The following PCDH9 variants were observed in gnomAD, a reference collection of about 807,000 sequenced individuals.
PCDH9 encodes protocadherin-9.
Under a neutral mutation model 70.6 loss-of-function variants are expected in PCDH9, and 24 were observed. The observed-to-expected ratio is 0.34, with a 90% CI of 0.25 to 0.48. PCDH9 has a LOEUF of 0.48. Among genes scored for constraint, PCDH9 ranks in the 20% least tolerant of loss-of-function variants. The probability of loss-of-function intolerance (pLI) is 0.99; values close to 1 mark genes in which losing one functional copy is unlikely to be tolerated. For synonymous variants in PCDH9, 562 were observed against 558.5 expected, an observed-to-expected ratio of 1.01 and a Z score of -0.09; for missense variants, 1,281 against 1,503.6, an observed-to-expected ratio of 0.85 and a Z score of 2.45.
intron 4 of PCDH9, among the ~76,000 whole-genome samples, chr13:66,373,153 C>T (rs909505870): frequency 6.6e-6 from 1 of 151,804 alleles, no homozygotes; most frequent in African/African-American, 2.4e-5. Flanking sequence ...TATTATTTAG[C>T]CACAACAGGG....
At chr13:66,854,621 C>T (rs189402431) in intron 3 of PCDH9, among the ~76,000 whole-genome samples, 12 of 151,082 alleles carry the variant, frequency 7.9e-5, no homozygotes, top group Non-Finnish European at 1.6e-4. Context: ...TATTTAGTGC[C>T]ACTTTTTTTT....
chr13:66,503,503 T>G (rs1395537553), intron 4 of PCDH9, among the ~76,000 whole-genome samples: 12 of 152,224 alleles, frequency 7.9e-5, no homozygotes, highest in Admixed American at 3.3e-4. Flanking sequence ...GTGTTTATTT[T>G]TTCTTCTTTT....
At chr13:66,581,718 A>G in intron 4 of PCDH9, among the ~76,000 whole-genome samples, 1 of 152,148 alleles carries the variant, frequency 6.6e-6, no homozygotes, top group African/African-American at 2.4e-5. Flanking sequence ...CCAAGAAATG[A>G]AGTGTGCCAG....
intron 3 of PCDH9, among the ~76,000 whole-genome samples, chr13:66,713,632 T>TATATATATATATATATATA (rs2078828103): frequency 7.7e-6 from 1 of 129,490 alleles, no homozygotes; most frequent in Non-Finnish European, 1.6e-5. Flanking sequence ...TGTGTATATA[T>TATATATATATATATATATA]ATATATATAT....
At chr13:66,809,435 C>T (rs1310457909) in intron 3 of PCDH9, among the ~76,000 whole-genome samples, 1 of 152,100 alleles carries the variant, frequency 6.6e-6, no homozygotes, top group African/African-American at 2.4e-5. Flanking sequence ...TAAAAGTCTA[C>T]TCTGCAATAT....
chr13:66,683,140 C>G (rs190889145), intron 3 of PCDH9, among the ~76,000 whole-genome samples: 32 of 152,226 alleles, frequency 2.1e-4, no homozygotes, highest in African/African-American at 7.7e-4. Context: ...GCTTATAAAG[C>G]CCACAATCAA....
rs116948465 is a variant in PCDH9, at chr13:67,051,282, G to A, written c.3037-147677C>T. Among the ~76,000 whole-genome samples the A allele has an allele frequency of 8.2e-3, 1,236 of 151,588 alleles. 18 individuals carry two copies. Among genetic ancestry groups the A allele is most frequent in the South Asian group, 0.014 (68 of 4,810 alleles). ...ATCATGAAGCTAGTTTGAAATTAGC[G>A]TTGATTCACTCTCTTTGTGATGTCA... On this transcript the variant is annotated intron_variant, in intron 2 of 4. Transcript: ENST00000377865.
intron 4 of PCDH9, among the ~76,000 whole-genome samples, chr13:66,344,166 G>T (rs1436467358): frequency 2.0e-5 from 3 of 152,088 alleles, no homozygotes; most frequent in Non-Finnish European, 4.4e-5. Context: ...TTTTGAGGTG[G>T]AGTTTTGCTC....
In PCDH9 at chr13:67,228,044, T is replaced by C; in HGVS notation, c.397A>G (p.Lys133Glu). Residue 133 changes from lysine (K) to glutamate (E), a missense_variant, in exon 2 of 5, where the codon AAG becomes GAG. Around this residue, in one of 4 missense-constraint regions of PCDH9, gnomAD observed 798 missense variants for 1,003.1 expected, o/e 0.80. Coordinates refer to ENST00000377865, the MANE Select transcript of PCDH9 (RefSeq NM_203487.3). ...FRLIKIKIIV[K>E]DTNDNAPMFP... ...ATGGGGGCATTATCATTGGTATCCT[T>C]GACAATTATTTTTATTTTGATCAGC... The C allele has an allele frequency of 6.2e-7, 1 of 1,613,758 alleles. No homozygotes were observed.
intron 2 of PCDH9, among the ~76,000 whole-genome samples, chr13:67,079,132 A>G (rs185037860): frequency 6.6e-6 from 1 of 152,200 alleles, no homozygotes; most frequent in East Asian, 1.9e-4. Flanking sequence ...ACATGGTAGC[A>G]GTGTGTAATA....
intron 4 of PCDH9, among the ~76,000 whole-genome samples, chr13:66,421,127 A>T (rs1957559181): frequency 6.6e-6 from 1 of 151,866 alleles, no homozygotes; most frequent in Non-Finnish European, 1.5e-5. Context: ...ACAAGATTAG[A>T]GAAAAAAAAA....
chr13:67,226,077 G>A lies in PCDH9; in HGVS notation c.2364C>T (p.Ile788=). 2.5e-6 allele frequency: 4 copies of A among 1,614,064 alleles called. No homozygotes were observed. Among genetic ancestry groups the A allele is most frequent in the Non-Finnish European group, 3.4e-6 (4 of 1,179,960 alleles). The change falls in exon 2 of 5, where the codon ATC becomes ATT. Residue 788 remains isoleucine, a synonymous_variant. Coordinates refer to ENST00000377865, the MANE Select transcript of PCDH9 (RefSeq NM_203487.3). The surrounding 1 kb of genome is among the most constrained non-coding windows in gnomAD (Gnocchi z 5.0). ...CCAACGGGGTCTCCATAGTCCTGCG[G>A]ATCAAGTCATAGATATAGGAGGCAT... The part of the protein sequence containing the change: ...AGNASYIYDL[I]RRTMETPLDR...
At chr13:66,857,198 A>C (rs2081408494) in intron 3 of PCDH9, among the ~76,000 whole-genome samples, 1 of 152,098 alleles carries the variant, frequency 6.6e-6, no homozygotes, top group African/African-American at 2.4e-5. Context: ...AATGCTAACA[A>C]TATTTGATAG....
At chr13:66,353,091 T>G (rs911379661) in intron 4 of PCDH9, among the ~76,000 whole-genome samples, 3 of 152,190 alleles carry the variant, frequency 2.0e-5, no homozygotes, top group Non-Finnish European at 4.4e-5. Flanking sequence ...CAAATACTAT[T>G]GATTCAAGAT....
At chr13:66,379,493 C>T (rs976891936) in intron 4 of PCDH9, among the ~76,000 whole-genome samples, 1 of 152,112 alleles carries the variant, frequency 6.6e-6, no homozygotes, top group African/African-American at 2.4e-5. Flanking sequence ...AGGAAAAATG[C>T]ATAGTTATGC....
At chr13:67,185,794 A>G (rs1326143569) in intron 2 of PCDH9, among the ~76,000 whole-genome samples, 1 of 152,166 alleles carries the variant, frequency 6.6e-6, no homozygotes, top group African/African-American at 2.4e-5. Context: ...GTGCAATGGC[A>G]CAATCTCAGC....
intron 3 of PCDH9, among the ~76,000 whole-genome samples, chr13:66,634,043 A>G (rs1280862169): frequency 6.6e-6 from 1 of 152,210 alleles, no homozygotes; most frequent in Non-Finnish European, 1.5e-5. Flanking sequence ...CACATACACT[A>G]CACTATTTTT....
chr13:66,419,106 C>T (rs527846888), intron 4 of PCDH9, among the ~76,000 whole-genome samples: 12 of 152,026 alleles, frequency 7.9e-5, no homozygotes, highest in African/African-American at 2.7e-4. Flanking sequence ...AATAGCCTAC[C>T]AACCAAAAAA....
Position 66,303,579 on chromosome 13 carries a change from A to G in PCDH9, c.*1076T>C, listed in dbSNP as rs1955408260. 6.6e-6 allele frequency: 1 copy of G among 152,514 alleles called. No homozygotes were observed. Among genetic ancestry groups the G allele is most frequent in the Admixed American group, 6.6e-5 (1 of 15,216 alleles). 9.4% of individuals were successfully genotyped at this position (152,514 alleles called of 1,614,324 possible). A position where few individuals can be genotyped will look rare whatever the true frequency, so the allele number is the denominator to read the frequency against. On this transcript the variant is annotated 3_prime_UTR_variant, in exon 5 of 5. Transcript: ENST00000377865. ...GCCATTTCAACAAAGTTGTAGACAC[A>G]CATTTGCCCAATTGAAACTATTTTT...
Sources: gnomAD v4.1 joint callset for allele counts (sites outside exome capture counted in the v4.1 genomes callset) on GRCh38, gnomAD v4.1.1 for gene constraint, gnomAD v4.1.1 regional missense constraint, Gnocchi (gnomAD v3.1) non-coding constraint, MANE v1.5 for transcripts, NCBI Gene and HGNC (gene_info 2026-07-23, HGNC 2026-07-21) for gene names.